Variants in CLSPN observed in about 807,000 individuals in gnomAD.
CLSPN encodes the protein claspin homolog.
In CLSPN, 85 loss-of-function variants were observed where a neutral mutation model predicts 156.3. The ratio of observed to expected loss-of-function variants is 0.54; its 90% CI spans 0.46 to 0.65. The LOEUF is 0.65. Among genes scored for constraint, CLSPN ranks in the 30% least tolerant of loss-of-function variants. The pLI is 0.00. For synonymous variants in CLSPN, 534 were observed against 542.4 expected (o/e 0.98, Z 0.22); for missense variants, 1,407 against 1,554.9 (o/e 0.90, Z 1.60).
Position 35,732,147 on chromosome 1 carries a change from G to A in CLSPN, c.*4349C>T, listed in dbSNP as rs1641331901. 2.0e-6 allele frequency: 2 copies of A among 984,356 alleles called. No homozygotes were observed. The highest frequency in any genetic ancestry group is 2.4e-6 in the Non-Finnish European group (2 of 829,122). The allele number at this position is 984,356 out of a possible 1,614,324, so 61.0% of individuals were successfully genotyped here. ...AGTGTTATTTATTCAAACTGTGGTAGGCACCACTACATTCCAAGCTGTGTG... is the reference window on the plus strand; with the variant it reads ...AGTGTTATTTATTCAAACTGTGGTAAGCACCACTACATTCCAAGCTGTGTG... On this transcript the variant is annotated 3_prime_UTR_variant, in exon 25 of 25. Coordinates refer to ENST00000318121, the MANE Select transcript of CLSPN (RefSeq NM_022111.4).
At chr1:35,761,033 G>T in intron 7 of CLSPN, 63 bp downstream of exon 7, 1 of 1,430,078 alleles carries the variant, frequency 7.0e-7, no homozygotes, top group Non-Finnish European at 9.8e-7. Flanking sequence ...AACTTTTTAT[G>T]CCAGATGTTT....
rs1641463920 is a variant in CLSPN, at chr1:35,736,170, A to G, written c.*326T>C. ...GAGGCAGAGATTGTGGTGAGCCGAGATCACGCCACTGCACTCCAAGCTGGG... is the reference window on the plus strand; with the variant it reads ...GAGGCAGAGATTGTGGTGAGCCGAGGTCACGCCACTGCACTCCAAGCTGGG... On this transcript the variant is annotated 3_prime_UTR_variant, in exon 25 of 25. Coordinates refer to ENST00000318121, the MANE Select transcript of CLSPN (RefSeq NM_022111.4). 2.4e-6 allele frequency: 2 copies of G among 836,420 alleles called. No homozygotes were observed. Among genetic ancestry groups the G allele is most frequent in the Non-Finnish European group, 2.9e-6 (2 of 691,920 alleles). The allele number at this position is 836,420 out of a possible 1,614,324, so 51.8% of individuals were successfully genotyped here. A position where few individuals can be genotyped will look rare whatever the true frequency, so the allele number is the denominator to read the frequency against.
Position 35,736,943 on chromosome 1 carries a change from C to T in CLSPN, c.3880G>A (p.Glu1294Lys). The change falls in exon 24 of 25, where the codon GAG becomes AAG. Residue 1294 changes from glutamate to lysine, a missense_variant. By Grantham distance (56) the Glu-to-Lys change is moderately conservative. Transcript: ENST00000318121. The part of the protein sequence containing the change: ...VFHTLSPVKA[E>K]AAKESSKSQV... ...GACTTAGACGATTCCTTTGCCGCCTCAGCCTTGACAGGAGAAAGTGTATGA... is the reference window on the plus strand; with the variant it reads ...GACTTAGACGATTCCTTTGCCGCCTTAGCCTTGACAGGAGAAAGTGTATGA... 1 of 1,614,164 alleles carries T rather than the reference C, an allele frequency of 6.2e-7. No individual in the cohort carries two copies. Among genetic ancestry groups the T allele is most frequent in the Non-Finnish European group, 8.5e-7 (1 of 1,180,024 alleles).
At chr1:35,747,296 T>G (rs1422704944) in intron 14 of CLSPN, among the ~76,000 whole-genome samples, 2 of 151,378 alleles carry the variant, frequency 1.3e-5, no homozygotes, top group African/African-American at 4.9e-5. Context: ...CACTCCAGCC[T>G]GGGCGACAGA....
rs762154637 is a variant in CLSPN at position 35,746,841 on chromosome 1, G to T, written c.2779C>A (p.Leu927Ile). The change falls in exon 15 of 25, where the codon CTA (leucine) becomes ATA (isoleucine). Residue 927 changes from leucine (L) to isoleucine (I), a missense_variant. Leu to Ile is a conservative substitution (Grantham distance 5). Around this residue, in one of 3 missense-constraint regions of CLSPN, gnomAD observed 1,096 missense variants for 1,193.0 expected, o/e 0.92. Coordinates refer to ENST00000318121, the MANE Select transcript of CLSPN (RefSeq NM_022111.4). This position sits in a 1 kb window ranked among gnomAD's most constrained non-coding sequence, Gnocchi z 4.2. ...GKFTSQAEKH[L>I]PRKSDKKENM... ...TCTTTCTTGTCACTCTTCCTGGGTAGATGTTTTTCAGCCTGAGATGTGAAC... is the reference window on the plus strand; with the variant it reads ...TCTTTCTTGTCACTCTTCCTGGGTATATGTTTTTCAGCCTGAGATGTGAAC... The T allele has an allele frequency of 4.3e-6, 7 of 1,613,904 alleles. No homozygotes were observed. The African/African-American group carries it at 5.3e-5, about 12-fold the overall frequency.
chr1:35,764,807 T>C (rs1642614593), intron 2 of CLSPN, 93 bp from the exon 3 acceptor site: 1 of 770,806 alleles, frequency 1.3e-6, no homozygotes, highest in South Asian at 2.3e-5. Flanking sequence ...ACAAGTGATA[T>C]ATAACATTGT....
chr1:35,730,674 T>G (rs533167051), downstream of CLSPN, among the ~76,000 whole-genome samples: 218 of 150,200 alleles, frequency 1.5e-3, 2 homozygotes, highest in South Asian at 5.9e-3. Context: ...AAGTTAGGCT[T>G]AAGCTAACAC....
In CLSPN at chr1:35,764,655, T is replaced by C. The variant is rs1642608570; in HGVS notation, c.193A>G (p.Ser65Gly). 2 of 1,609,930 alleles carry C rather than the reference T, an allele frequency of 1.2e-6. No homozygotes were observed. The highest frequency in any genetic ancestry group is 1.7e-6 in the Non-Finnish European group (2 of 1,179,114). ...KLKNRKVLQD[S>G]DSETEDTNAS... ...TTTGTGTCCTCTGTTTCGGAATCACTGTCTTGTAGAACCTTCCTGTTTTTC... is the reference window on the plus strand; with the variant it reads ...TTTGTGTCCTCTGTTTCGGAATCACCGTCTTGTAGAACCTTCCTGTTTTTC... Residue 65 changes from serine to glycine, a missense_variant, in exon 3 of 25, where the codon AGT (serine) becomes GGT (glycine). Physicochemically the swap from Ser to Gly is moderately conservative, Grantham distance 56 (BLOSUM62 0). Around this residue, in one of 3 missense-constraint regions of CLSPN, gnomAD observed 1,096 missense variants for 1,193.0 expected, o/e 0.92. Transcript: ENST00000318121.
chr1:35,761,111 G>A lies in CLSPN; in HGVS notation c.989C>T (p.Ala330Val). 1 of 1,607,738 alleles carries A rather than the reference G, an allele frequency of 6.2e-7. No homozygotes were observed. Among genetic ancestry groups the A allele is most frequent in the Non-Finnish European group, 8.5e-7 (1 of 1,174,204 alleles). ...GGGTTCTTACTTCAATAGTGCCATG[G>A]CATTTCCGTGGCAAGTGGGCCGGGG... ...RKPRPTCHGNAMALLKSSKYQ... is the reference protein window; with the variant it reads ...RKPRPTCHGNVMALLKSSKYQ... Residue 330 changes from alanine to valine, a missense_variant, in exon 7 of 25, where the codon GCC becomes GTC. Coordinates refer to ENST00000318121, the MANE Select transcript of CLSPN (RefSeq NM_022111.4).
chr1:35,758,799 TTC>T (rs1414587191), intron 8 of CLSPN, among the ~76,000 whole-genome samples: 1 of 78,464 alleles, frequency 1.3e-5, no homozygotes, highest in African/African-American at 3.0e-5. Flanking sequence ...TTTTTTCTTT[TTC>T]TTTTTTTTTT....
intron 12 of CLSPN, 144 bp from the exon 13 acceptor site, chr1:35,748,748 G>A: frequency 1.6e-6 from 1 of 620,016 alleles, no homozygotes. Flanking sequence ...TAAGTTAAAG[G>A]TAAATTACAG....
At position 35,743,699 on chromosome 1, in the gene CLSPN, C is replaced by G. The variant is rs757784206; in HGVS notation, c.2967-169G>C. ...AATACAGTGGCACCATCTCAGCTCA[C>G]TGTAACCTCCACCTCCAGGGCTCAA... On this transcript the variant is annotated intron_variant, in intron 16 of 24. Transcript: ENST00000318121. The G allele has an allele frequency of 8.5e-6, 5 of 591,050 alleles. No individual in the cohort carries two copies. In the Admixed American group the frequency reaches 1.5e-4, roughly 17 times the overall value. The allele number at this position is 591,050 out of a possible 1,614,324, so 36.6% of individuals were successfully genotyped here. A position where few individuals can be genotyped will look rare whatever the true frequency, so the allele number is the denominator to read the frequency against.
chr1:35,728,098 T>C (rs1423949389), downstream of CLSPN, among the ~76,000 whole-genome samples: 10 of 65,658 alleles, frequency 1.5e-4, no homozygotes, highest in East Asian at 3.0e-3. Flanking sequence ...TTTTTTTTTT[T>C]CTTTTGAGGC....
chr1:35,742,743 C>CCTT (rs1641735846), intron 18 of CLSPN, among the ~76,000 whole-genome samples: 1 of 130,588 alleles, frequency 7.7e-6, no homozygotes, highest in African/African-American at 2.8e-5. Flanking sequence ...AAGTGATCAA[C>CCTT]TTTTTTTTTT....
In CLSPN at chr1:35,751,425, G is replaced by A; in HGVS notation, c.1853C>T (p.Ala618Val). The stretch of plus-strand genomic sequence containing the variant: ...ATCTTCATTATCTAATTTAAACAGT[G>A]CTTGGCGCTTCTGGCGCTCCTCAAA... ...RRFEERQKRQ[A>V]LFKLDNEDGF... Residue 618 changes from alanine (A) to valine (V), a missense_variant, in exon 10 of 25, where the codon GCA (alanine) becomes GTA (valine). Transcript: ENST00000318121. The A allele has an allele frequency of 6.2e-7, 1 of 1,613,862 alleles. No individual in the cohort carries two copies. Among genetic ancestry groups the A allele is most frequent in the Non-Finnish European group, 8.5e-7 (1 of 1,180,008 alleles).
chr1:35,734,067 C>T lies in CLSPN; in HGVS notation c.*2429G>A, dbSNP rs2148610562. 1 of 985,416 alleles carries T rather than the reference C, an allele frequency of 1.0e-6. No individual in the cohort carries two copies. Among genetic ancestry groups the T allele is most frequent in the African/African-American group, 1.7e-5 (1 of 57,364 alleles). 61.0% of individuals were successfully genotyped at this position (985,416 alleles called of 1,614,324 possible). A position where few individuals can be genotyped will look rare whatever the true frequency, so the allele number is the denominator to read the frequency against. On this transcript the variant is annotated 3_prime_UTR_variant, in exon 25 of 25. Coordinates refer to ENST00000318121, the MANE Select transcript of CLSPN (RefSeq NM_022111.4). The stretch of plus-strand genomic sequence containing the variant: ...CCTCTTCACCTGAGCTGAACCCAAA[C>T]CACTTGGTAAGTTAACTTGATCAAT...
exon 25 of CLSPN, chr1:35,720,863 C>T (rs747721733): frequency 6.5e-7 from 1 of 1,544,988 alleles, no homozygotes; most frequent in Admixed American, 1.7e-5. Flanking sequence ...CCCTTCTCCG[C>T]CTCTCTTTGG....
At chr1:35,726,175 A>AAAAAAAAAAAAC (rs1641184674) in intron 24 of CLSPN, among the ~76,000 whole-genome samples, 1 of 148,168 alleles carries the variant, frequency 6.7e-6, no homozygotes, top group Non-Finnish European at 1.5e-5. Context: ...AAAAAAAAAA[A>AAAAAAAAAAAAC]GCGCATAGCA....
chr1:35,760,275 G>T, intron 8 of CLSPN, 67 bp downstream of exon 8: 1 of 1,259,858 alleles, frequency 7.9e-7, no homozygotes, highest in Non-Finnish European at 1.1e-6. Flanking sequence ...GTCCTCGACA[G>T]TAGTCAATAA....
Sources: allele counts gnomAD v4.1 joint callset (sites outside exome capture counted in the v4.1 genomes callset), GRCh38; gene constraint gnomAD v4.1.1; regional missense constraint gnomAD v4.1.1; non-coding constraint Gnocchi (gnomAD v3.1); transcripts MANE v1.5; gene names NCBI Gene and HGNC (gene_info 2026-07-23, HGNC 2026-07-21).